Variants in SIL1 observed in about 807,000 individuals in gnomAD.
The protein encoded by SIL1 is SIL1 nucleotide exchange factor.
In SIL1, 40 loss-of-function variants were observed where a neutral mutation model predicts 49.1. The observed-to-expected ratio is 0.81, with a 90% confidence interval of 0.63 to 1.06. The LOEUF is 1.06. Ranked by LOEUF, SIL1 falls within the 50% of genes least tolerant of loss-of-function variation. The probability of loss-of-function intolerance (pLI) is 0.00; values close to 1 mark genes in which losing one functional copy is unlikely to be tolerated. For synonymous variants in SIL1, 253 were observed against 250.8 expected, an observed-to-expected ratio of 1.01 and a Z score of -0.08; for missense variants, 500 against 572.6, an observed-to-expected ratio of 0.87 and a Z score of 1.29.
At chr5:139,101,717 G>A (rs1463355457) in intron 3 of SIL1, among the ~76,000 whole-genome samples, 1 of 152,162 alleles carries the variant, frequency 6.6e-6, no homozygotes, top group African/African-American at 2.4e-5. Context: ...TTGATTCTGG[G>A]TTAGACACAG....
At position 138,947,279 on chromosome 5, in the gene SIL1, G is replaced by A. The variant is rs1766654534; in HGVS notation, c.1224C>T (p.Cys408=). The part of the protein sequence containing the change: ...LQTLGVLLTT[C]RDRYRQDPQL... ...GGGGGTCCTGACGGTAGCGGTCCCG[G>A]CAGGTGGTCAGGAGGACGCCCAGTG... Residue 408 remains cysteine, a synonymous_variant, in exon 10 of 10, where the codon TGC becomes TGT. Coordinates refer to ENST00000394817, the MANE Select transcript of SIL1 (RefSeq NM_022464.5). This position sits in a 1 kb window ranked among gnomAD's most constrained non-coding sequence, Gnocchi z 4.1. 15 of 1,613,520 alleles carry A rather than the reference G, an allele frequency of 9.3e-6. No homozygotes were observed. Among genetic ancestry groups the A allele is most frequent in the African/African-American group, 1.3e-5 (1 of 75,036 alleles).
intron 1 of SIL1, among the ~76,000 whole-genome samples, chr5:139,177,201 G>C (rs1751902714): frequency 6.6e-6 from 1 of 151,610 alleles, no homozygotes; most frequent in Admixed American, 6.6e-5. Context: ...CAAAGTGCTG[G>C]GATTATAGGC....
At chr5:138,990,905 G>A (rs555864162) in intron 7 of SIL1, among the ~76,000 whole-genome samples, 64 of 152,308 alleles carry the variant, frequency 4.2e-4, no homozygotes, top group African/African-American at 1.4e-3. Flanking sequence ...TAGTAGAGAC[G>A]GGGTTTTGCC....
At chr5:138,954,214 G>A (rs1354579939) in intron 7 of SIL1, among the ~76,000 whole-genome samples, 1 of 152,242 alleles carries the variant, frequency 6.6e-6, no homozygotes, top group Non-Finnish European at 1.5e-5. Flanking sequence ...CATCAGATAA[G>A]TAAATCGGAG....
rs369879367 is a variant in SIL1 at position 139,125,569 on chromosome 5, G to A, written c.105+2170C>T. On this transcript the variant is annotated intron_variant, in intron 2 of 9. Coordinates refer to ENST00000394817, the MANE Select transcript of SIL1 (RefSeq NM_022464.5). ...AGCATCCCCATACTAAAAAACAACA[G>A]CTGACATTCATTAACCATTTATTGG... Among the ~76,000 whole-genome samples the A allele has an allele frequency of 2.4e-4, 37 of 152,258 alleles. No homozygotes were observed. The East Asian group carries it at 2.9e-3, about 12-fold the overall frequency.
chr5:139,144,183 G>A (rs1462293248), intron 1 of SIL1, among the ~76,000 whole-genome samples: 1 of 152,138 alleles, frequency 6.6e-6, no homozygotes, highest in Admixed American at 6.5e-5. Context: ...AAACTGCTGG[G>A]CACAGTGATT....
At chr5:139,009,050 T>G (rs943364939) in intron 7 of SIL1, among the ~76,000 whole-genome samples, 3,223 of 151,202 alleles carry the variant, frequency 0.021, 122 homozygotes, top group African/African-American at 0.075. Flanking sequence ...CTGTCTAATG[T>G]TGACAGTGGG....
chr5:139,051,462 G>A (rs1462305152), intron 3 of SIL1, among the ~76,000 whole-genome samples: 4 of 151,900 alleles, frequency 2.6e-5, no homozygotes, highest in South Asian at 2.1e-4. Context: ...GCCCCTCCTC[G>A]ACAGTCAGTC....
At chr5:139,169,444 G>A (rs1751689591) in intron 1 of SIL1, among the ~76,000 whole-genome samples, 1 of 149,014 alleles carries the variant, frequency 6.7e-6, no homozygotes, top group Non-Finnish European at 1.5e-5. Context: ...AGTATGGTGT[G>A]TGTGTGTGTA....
intron 3 of SIL1, among the ~76,000 whole-genome samples, chr5:139,102,415 T>C (rs1006621929): frequency 7.2e-5 from 11 of 151,976 alleles, no homozygotes; most frequent in Non-Finnish European, 1.2e-4. Flanking sequence ...TTGTTGTTGT[T>C]GTCTCCCTTT....
chr5:139,121,096 C>T lies in SIL1; in HGVS notation c.183G>A (p.Glu61=). 2 of 1,614,214 alleles carry T rather than the reference C, an allele frequency of 1.2e-6. No individual in the cohort carries two copies. The highest frequency in any genetic ancestry group is 1.7e-6 in the Non-Finnish European group (2 of 1,180,046). The part of the protein sequence containing the change: ...TERKETKAEE[E]LDAEVLEVFH... Reference sequence around the variant, plus strand: ...ACACCTCCAGGACTTCGGCATCCAGCTCCTCCTCGGCTTTGGTTTCTTTTC... The same window carrying T: ...ACACCTCCAGGACTTCGGCATCCAGTTCCTCCTCGGCTTTGGTTTCTTTTC... Residue 61 remains glutamate, a synonymous_variant, in exon 3 of 10, where the codon GAG becomes GAA. Coordinates refer to ENST00000394817, the MANE Select transcript of SIL1 (RefSeq NM_022464.5).
At chr5:139,077,521 C>A (rs1010577468) in intron 3 of SIL1, among the ~76,000 whole-genome samples, 33 of 152,160 alleles carry the variant, frequency 2.2e-4, no homozygotes, top group African/African-American at 7.7e-4. Flanking sequence ...GTCTAGCAAC[C>A]TTTTTAATTC....
intron 6 of SIL1, chr5:139,021,743 T>C: frequency 4.5e-6 from 1 of 222,372 alleles, no homozygotes; most frequent in Non-Finnish European, 9.0e-6. Flanking sequence ...CTAGGGACTA[T>C]AAAAGGAGCC....
At chr5:139,061,558 T>C (rs1262488264) in intron 3 of SIL1, among the ~76,000 whole-genome samples, 1 of 152,258 alleles carries the variant, frequency 6.6e-6, no homozygotes, top group Non-Finnish European at 1.5e-5. Flanking sequence ...TTTATGTTTC[T>C]GAATCTTCAT....
Position 138,995,707 on chromosome 5 carries a change from T to A in SIL1, c.767+25464A>T, listed in dbSNP as rs553004409. On this transcript the variant is annotated intron_variant, in intron 7 of 9. Transcript: ENST00000394817. ...GTAACTATTAACCAACCTCTCTTCA[T>A]CTCCTCTTTCCCCTACTTTTCCTAG... is the stretch of plus-strand genomic sequence containing the variant. 4.6e-5 allele frequency among the ~76,000 whole-genome samples: 7 copies of A among 152,316 alleles called. No homozygotes were observed. In the East Asian group the frequency reaches 1.2e-3, roughly 25 times the overall value.
chr5:139,173,932 C>T (rs1482280175), intron 1 of SIL1, among the ~76,000 whole-genome samples: 1 of 149,542 alleles, frequency 6.7e-6, no homozygotes, highest in Non-Finnish European at 1.5e-5. Flanking sequence ...GTACTCCAGC[C>T]TGGGTGACAG....
At chr5:139,178,650 C>T (rs920918468) in intron 1 of SIL1, among the ~76,000 whole-genome samples, 11 of 152,084 alleles carry the variant, frequency 7.2e-5, no homozygotes, top group Non-Finnish European at 1.2e-4. Flanking sequence ...ACAATATTTA[C>T]TCGAACATCA....
At chr5:139,004,673 A>G (rs1314509078) in intron 7 of SIL1, among the ~76,000 whole-genome samples, 1 of 152,192 alleles carries the variant, frequency 6.6e-6, no homozygotes, top group Admixed American at 6.5e-5. Context: ...TAGATTTTCA[A>G]CTTCAAGAAG....
At chr5:138,952,166 A>G (rs572960926) in intron 7 of SIL1, among the ~76,000 whole-genome samples, 20 of 152,326 alleles carry the variant, frequency 1.3e-4, no homozygotes, top group African/African-American at 4.8e-4. Context: ...AACAACCTCT[A>G]CTACTGTAAA....
Sources: gnomAD v4.1 joint callset for allele counts (sites outside exome capture counted in the v4.1 genomes callset) on GRCh38, gnomAD v4.1.1 for gene constraint, Gnocchi (gnomAD v3.1) non-coding constraint, MANE v1.5 for transcripts, NCBI Gene and HGNC (gene_info 2026-07-23, HGNC 2026-07-21) for gene names.